Variants in FRMD4B observed in about 807,000 individuals in gnomAD.
The protein encoded by FRMD4B is FERM domain containing 4B.
A neutral mutation model predicts 141.5 loss-of-function variants in FRMD4B; 74 were observed. That is an observed-to-expected ratio of 0.52 (90% CI 0.43 to 0.63). The LOEUF (loss-of-function observed/expected upper bound fraction) is 0.63. Ranked by LOEUF, FRMD4B falls within the 30% of genes least tolerant of loss-of-function variation. The probability of loss-of-function intolerance (pLI) is 0.00; values close to 1 mark genes in which losing one functional copy is unlikely to be tolerated. For synonymous variants in FRMD4B, 506 were observed against 467.9 expected (o/e 1.08, Z -1.05); for missense variants, 1,366 against 1,253.4 (o/e 1.09, Z -1.36).
At chr3:69,299,730 T>C (rs1157659890) in intron 4 of FRMD4B, among the ~76,000 whole-genome samples, 1 of 152,192 alleles carries the variant, frequency 6.6e-6, no homozygotes, top group African/African-American at 2.4e-5. Context: ...TTCTAATTGT[T>C]TGCACCGAAA....
chr3:69,468,065 A>G (rs1705824214), intron 1 of FRMD4B, among the ~76,000 whole-genome samples: 1 of 152,204 alleles, frequency 6.6e-6, no homozygotes, highest in African/African-American at 2.4e-5. Flanking sequence ...ATGTGCAATA[A>G]ATGTTAGCTA....
chr3:69,169,375 T>TTTTTTTTTTTTTTTTC lies in FRMD4B; in HGVS notation c.*2485_*2486insGAAAAAAAAAAAAAAA, dbSNP rs1553691449. Among the ~76,000 whole-genome samples the TTTTTTTTTTTTTTTTC allele has an allele frequency of 3.2e-5, 4 of 124,610 alleles. 2 individuals carry two copies. The highest frequency in any genetic ancestry group is 3.4e-5 in the Non-Finnish European group (2 of 59,464). The allele number at this position is 124,610 out of a possible 152,430, so 81.7% of individuals were successfully genotyped here. A position where few individuals can be genotyped will look rare whatever the true frequency, so the allele number is the denominator to read the frequency against. ...TTTCTTTTTTTTTTTTTTTTTTTTT[T>TTTTTTTTTTTTTTTTC]CTTGAGACAAGGTCTGTTATTGCCT... On this transcript the variant is annotated 3_prime_UTR_variant, in exon 23 of 23. Coordinates refer to ENST00000398540, the MANE Select transcript of FRMD4B (RefSeq NM_015123.3).
chr3:69,255,268 A>T (rs2093485728), intron 5 of FRMD4B, among the ~76,000 whole-genome samples: 1 of 152,210 alleles, frequency 6.6e-6, no homozygotes, highest in South Asian at 2.1e-4. Context: ...ATATGAAAGG[A>T]GAAAGTGCAA....
At chr3:69,290,476 A>C (rs992549758) in intron 4 of FRMD4B, among the ~76,000 whole-genome samples, 3 of 152,188 alleles carry the variant, frequency 2.0e-5, no homozygotes, top group Non-Finnish European at 2.9e-5. Context: ...TACAGGGCTG[A>C]GATGACCCAT....
chr3:69,532,031 T>C (rs1185115973), intron 1 of FRMD4B, among the ~76,000 whole-genome samples: 8 of 152,194 alleles, frequency 5.3e-5, no homozygotes, highest in Admixed American at 3.9e-4. Flanking sequence ...CAAATGACCA[T>C]GATATGTCCT....
chr3:69,214,795 G>A (rs958996274), intron 11 of FRMD4B, among the ~76,000 whole-genome samples: 2 of 152,096 alleles, frequency 1.3e-5, no homozygotes, highest in South Asian at 2.1e-4. Flanking sequence ...CAGGGAAATC[G>A]AGGCTGCAGT....
At chr3:69,188,012 T>G in intron 18 of FRMD4B, 95 bp from the exon 19 acceptor site, 2 of 688,630 alleles carry the variant, frequency 2.9e-6, no homozygotes, top group Non-Finnish European at 5.1e-6. Flanking sequence ...ATTAGAAGGT[T>G]TAGTGAACAA....
intron 2 of FRMD4B, among the ~76,000 whole-genome samples, chr3:69,425,499 TG>T (rs887091786): frequency 6.6e-6 from 1 of 152,216 alleles, no homozygotes. Context: ...AAATTAAATA[TG>T]GACCCTGCTG....
In FRMD4B at chr3:69,196,296, C is replaced by T; in HGVS notation, c.1193G>A (p.Ser398Asn). Reference sequence around the variant, plus strand: ...GCCATTACTTGCCATGATGAACTGACTTTTCGTCTCCAGTGTCACCAGCTT... The same window carrying T: ...GCCATTACTTGCCATGATGAACTGATTTTTCGTCTCCAGTGTCACCAGCTT... ...ASKLVTLETKSQFIMASNGSL... is the reference protein window; with the variant it reads ...ASKLVTLETKNQFIMASNGSL... Residue 398 changes from serine (S) to asparagine (N), a missense_variant, in exon 14 of 23, where the codon AGT (serine) becomes AAT (asparagine). By Grantham distance (46) the Ser-to-Asn change is conservative. Coordinates refer to ENST00000398540, the MANE Select transcript of FRMD4B (RefSeq NM_015123.3). The T allele has an allele frequency of 1.9e-6, 3 of 1,609,456 alleles. No homozygotes were observed. The highest frequency in any genetic ancestry group is 1.7e-6 in the Non-Finnish European group (2 of 1,177,802).
At chr3:69,417,629 G>C (rs62251449) in intron 2 of FRMD4B, among the ~76,000 whole-genome samples, 41,601 of 152,112 alleles carry the variant, frequency 0.27, 6,155 homozygotes, top group East Asian at 0.44. Flanking sequence ...CCATGATTGT[G>C]TCCTGAATGT....
chr3:69,467,779 T>A (rs1322361415), intron 1 of FRMD4B, among the ~76,000 whole-genome samples: 1 of 152,148 alleles, frequency 6.6e-6, no homozygotes, highest in Non-Finnish European at 1.5e-5. Flanking sequence ...CATGACTCGT[T>A]TAGGTACGGG....
intron 17 of FRMD4B, among the ~76,000 whole-genome samples, chr3:69,192,604 T>G (rs1427049551): frequency 1.3e-5 from 2 of 152,166 alleles, no homozygotes; most frequent in Non-Finnish European, 2.9e-5. Context: ...AAATACATAA[T>G]GTTGAGAACT....
In FRMD4B at chr3:69,368,896, AG is replaced by A. The variant is rs768965179; in HGVS notation, c.162+16931del. On this transcript the variant is annotated intron_variant, in intron 1 of 22. Coordinates refer to ENST00000398540, the MANE Select transcript of FRMD4B (RefSeq NM_015123.3). Reference sequence around the variant, plus strand: ...GGCTGGTCTTGAACTCTTGGGCTCAAGCAATTCTCTCACCTCGGCCTCCCAA... The same window carrying A: ...GGCTGGTCTTGAACTCTTGGGCTCAACAATTCTCTCACCTCGGCCTCCCAA... Among the ~76,000 whole-genome samples, 85 of 152,188 alleles carry A rather than the reference AG, an allele frequency of 5.6e-4. 1 individual carries two copies. Among genetic ancestry groups the A allele is most frequent in the Non-Finnish European group, 2.1e-4 (14 of 68,038 alleles).
chr3:69,510,303 C>T (rs184561531), intron 1 of FRMD4B, among the ~76,000 whole-genome samples: 46 of 152,032 alleles, frequency 3.0e-4, no homozygotes, highest in African/African-American at 1.1e-3. Flanking sequence ...GAAGCAGTAG[C>T]CAAATAAAGA....
At chr3:69,479,190 C>T (rs530867574) in intron 1 of FRMD4B, among the ~76,000 whole-genome samples, 2 of 150,844 alleles carry the variant, frequency 1.3e-5, no homozygotes, top group South Asian at 4.2e-4. Flanking sequence ...TTAATTGGAG[C>T]ATTTAGTCCA....
chr3:69,313,897 T>A (rs1241459470), intron 1 of FRMD4B, among the ~76,000 whole-genome samples: 2 of 150,660 alleles, frequency 1.3e-5, no homozygotes, highest in Non-Finnish European at 3.0e-5. Context: ...CCCAGCACTT[T>A]GGGAGGCCGA....
At chr3:69,495,973 T>C (rs1374992895) in intron 1 of FRMD4B, among the ~76,000 whole-genome samples, 1 of 152,176 alleles carries the variant, frequency 6.6e-6, no homozygotes, top group East Asian at 1.9e-4. Flanking sequence ...AGTATATGGT[T>C]TGCAGCCTGG....
chr3:69,398,124 A>C (rs1704502304), intron 2 of FRMD4B, among the ~76,000 whole-genome samples: 1 of 152,168 alleles, frequency 6.6e-6, no homozygotes, highest in Admixed American at 6.5e-5. Context: ...TAAGGGAAAA[A>C]ACCTAGAGGA....
At chr3:69,288,894 T>C (rs1043212374) in intron 4 of FRMD4B, among the ~76,000 whole-genome samples, 3 of 152,198 alleles carry the variant, frequency 2.0e-5, no homozygotes, top group African/African-American at 7.2e-5. Flanking sequence ...CTTTCCACAG[T>C]GATGATACCT....
Sources: gnomAD v4.1 joint callset for allele counts (sites outside exome capture counted in the v4.1 genomes callset) on GRCh38, gnomAD v4.1.1 for gene constraint, MANE v1.5 for transcripts, NCBI Gene and HGNC (gene_info 2026-07-23, HGNC 2026-07-21) for gene names.